Variants in ANKRD17 observed in about 807,000 individuals in gnomAD.
ANKRD17 encodes the protein ankyrin repeat domain-containing protein 17.
Under a neutral mutation model 229.7 loss-of-function variants are expected in ANKRD17, and 19 were observed. The observed-to-expected ratio is 0.08, with a 90% CI of 0.06 to 0.12. The LOEUF (loss-of-function observed/expected upper bound fraction) is 0.12, where lower values mean the gene tolerates loss of function less well. Ranked by LOEUF, ANKRD17 falls within the 10% of genes least tolerant of loss-of-function variation. The probability of loss-of-function intolerance (pLI) is 1.00; values close to 1 mark genes in which losing one functional copy is unlikely to be tolerated. For synonymous variants in ANKRD17, 1,112 were observed against 1,146.1 expected, an observed-to-expected ratio of 0.97 and a Z score of 0.60; for missense variants, 2,176 against 3,176.8, an observed-to-expected ratio of 0.68 and a Z score of 7.57.
At chr4:73,086,927 T>A (rs1207499920) in intron 29 of ANKRD17, among the ~76,000 whole-genome samples, 809 of 41,532 alleles carry the variant, frequency 0.019, 29 homozygotes, top group Middle Eastern at 0.041. Context: ...AAAATATATA[T>A]ATATATATAT....
At chr4:73,143,198 G>T (rs915403526) in intron 11 of ANKRD17, among the ~76,000 whole-genome samples, 4 of 152,168 alleles carry the variant, frequency 2.6e-5, no homozygotes, top group African/African-American at 9.6e-5. Context: ...TAAATAGAAA[G>T]AATAGTACCA....
chr4:73,243,398 T>C (rs1213893616), intron 1 of ANKRD17, among the ~76,000 whole-genome samples: 1 of 152,166 alleles, frequency 6.6e-6, no homozygotes, highest in Admixed American at 6.5e-5. Context: ...GTTAAGGCGA[T>C]GGTAGTGGAG....
rs1016564708 is a variant in ANKRD17 at position 73,097,602 on chromosome 4, T to TA, written c.5022-331dup. Among the ~76,000 whole-genome samples the TA allele has an allele frequency of 4.1e-4, 61 of 148,656 alleles. 2 individuals carry two copies. In the East Asian group the frequency reaches 5.9e-3, roughly 14 times the overall value. ...GGTGCATGCCATCACATTGGCTAAT[T>TA]AAAAAAAAAAATTATTTGTAGAGAC... is the stretch of plus-strand genomic sequence containing the variant. On this transcript the variant is annotated intron_variant, in intron 26 of 33. Transcript: ENST00000358602.
At chr4:73,203,378 T>C (rs1738934752) in intron 1 of ANKRD17, among the ~76,000 whole-genome samples, 2 of 152,144 alleles carry the variant, frequency 1.3e-5, no homozygotes, top group African/African-American at 2.4e-5. Flanking sequence ...ACAGAGGCAA[T>C]GTTATTTTTA....
chr4:73,107,599 TGTACCCCTCATGAGATGAAGTTAA>T (rs1343514058), intron 24 of ANKRD17, among the ~76,000 whole-genome samples: 1 of 152,176 alleles, frequency 6.6e-6, no homozygotes, highest in Non-Finnish European at 1.5e-5. Flanking sequence ...GGGTAATCAG[TGTACCCCTCATGAGATGAAGTTAA>T]GTGAACACCT....
chr4:73,160,130 C>T (rs560511501), intron 3 of ANKRD17, among the ~76,000 whole-genome samples: 214 of 151,956 alleles, frequency 1.4e-3, no homozygotes, highest in Non-Finnish European at 2.2e-3. Context: ...AAAGAAGCCA[C>T]CAACGGTTGA....
At chr4:73,089,728 A>G (rs1722579557) in intron 29 of ANKRD17, among the ~76,000 whole-genome samples, 1 of 152,186 alleles carries the variant, frequency 6.6e-6, no homozygotes, top group South Asian at 2.1e-4. Context: ...TAAAAAAGCA[A>G]TAGCTTACAA....
chr4:73,190,819 T>A (rs1736973748), intron 1 of ANKRD17, among the ~76,000 whole-genome samples: 1 of 150,140 alleles, frequency 6.7e-6, no homozygotes, highest in Admixed American at 6.6e-5. Flanking sequence ...ACAAAAAAAA[T>A]CCAGGAATAC....
intron 18 of ANKRD17, 27 bp from the exon 19 acceptor site, chr4:73,121,786 T>C: frequency 6.4e-7 from 1 of 1,568,500 alleles, no homozygotes; most frequent in Non-Finnish European, 8.6e-7. Context: ...AAAAAATATG[T>C]TTTCTTATGG....
In ANKRD17 at chr4:73,177,708, A is replaced by G. The variant is rs186293603; in HGVS notation, c.394-175T>C. On this transcript the variant is annotated intron_variant, in intron 1 of 33. Coordinates refer to ENST00000358602, the MANE Select transcript of ANKRD17 (RefSeq NM_032217.5). Reference sequence around the variant, plus strand: ...ATGACATCTAAGCCTGTTGATTAACAAAAGAAGAAATTTTTTTGTGGAAGA... The same window carrying G: ...ATGACATCTAAGCCTGTTGATTAACGAAAGAAGAAATTTTTTTGTGGAAGA... Among the ~76,000 whole-genome samples the G allele has an allele frequency of 2.6e-5, 4 of 152,340 alleles. No individual in the cohort carries two copies. The East Asian group carries it at 7.7e-4, about 29-fold the overall frequency.
chr4:73,164,089 C>T (rs1455669713), intron 2 of ANKRD17, among the ~76,000 whole-genome samples: 3 of 152,104 alleles, frequency 2.0e-5, no homozygotes, highest in Non-Finnish European at 4.4e-5. Flanking sequence ...GAATCTACTA[C>T]AATATTTAAT....
chr4:73,134,978 C>CT, intron 16 of ANKRD17, 139 bp downstream of exon 16: 2 of 793,332 alleles, frequency 2.5e-6, no homozygotes, highest in Non-Finnish European at 3.7e-6. Flanking sequence ...TAAATGTGAA[C>CT]TTTAATTAAT....
At chr4:73,219,008 CTGAGA>C (rs558493630) in intron 1 of ANKRD17, among the ~76,000 whole-genome samples, 240 of 152,210 alleles carry the variant, frequency 1.6e-3, no homozygotes, top group South Asian at 5.6e-3. Flanking sequence ...TTGCAGTGAG[CTGAGA>C]TAAGAGTCAC....
At chr4:73,247,728 A>C (rs1744625963) in intron 1 of ANKRD17, among the ~76,000 whole-genome samples, 2 of 151,994 alleles carry the variant, frequency 1.3e-5, no homozygotes, top group Admixed American at 6.5e-5. Context: ...AAAAATCATA[A>C]TCTGAAGACT....
chr4:73,085,004 G>C (rs1721972366), intron 30 of ANKRD17, among the ~76,000 whole-genome samples: 1 of 151,986 alleles, frequency 6.6e-6, no homozygotes, highest in South Asian at 2.1e-4. Context: ...AACACAGTGA[G>C]AGCCTGTCTC....
At chr4:73,078,967 CAGG>C in intron 30 of ANKRD17, 77 bp from the exon 31 acceptor site, 2 of 1,424,674 alleles carry the variant, frequency 1.4e-6, no homozygotes, top group Non-Finnish European at 1.9e-6. Flanking sequence ...ATCTTAAAAC[CAGG>C]AGATGTTTTA....
chr4:73,157,628 G>A lies in ANKRD17; in HGVS notation c.705-1462C>T, dbSNP rs932204737. ...ATTTCAGATACTAAAGGCACCTACAGATAATCACTTTTCTATAGCCCTGTT... is the reference window on the plus strand; with the variant it reads ...ATTTCAGATACTAAAGGCACCTACAAATAATCACTTTTCTATAGCCCTGTT... On this transcript the variant is annotated intron_variant, in intron 3 of 33. Transcript: ENST00000358602. 4.6e-5 allele frequency among the ~76,000 whole-genome samples: 7 copies of A among 152,116 alleles called. No homozygotes were observed. In the South Asian group the frequency reaches 1.5e-3, roughly 32 times the overall value.
At position 73,140,312 on chromosome 4, in the gene ANKRD17, T is replaced by G. The variant is rs182950628; in HGVS notation, c.2333-29A>C. On this transcript the variant is annotated intron_variant, in intron 14 of 33. Transcript: ENST00000358602. The stretch of plus-strand genomic sequence containing the variant: ...TGTGAAAAAGAAACCCCCTCAGAAG[T>G]GCACATGAATGGCATCCTCATTACA... The G allele has an allele frequency of 7.8e-6, 12 of 1,541,960 alleles. No homozygotes were observed. In the African/African-American group the frequency reaches 1.1e-4, roughly 14 times the overall value.
At chr4:73,145,438 T>G (rs186191913) in intron 10 of ANKRD17, among the ~76,000 whole-genome samples, 2 of 152,204 alleles carry the variant, frequency 1.3e-5, no homozygotes, top group Non-Finnish European at 2.9e-5. Flanking sequence ...TGCATACTTA[T>G]GATTACTAAG....
Sources: allele counts gnomAD v4.1 joint callset (sites outside exome capture counted in the v4.1 genomes callset), GRCh38; gene constraint gnomAD v4.1.1; transcripts MANE v1.5; gene names NCBI Gene and HGNC (gene_info 2026-07-23, HGNC 2026-07-21).